SCG3: variants seen among roughly 807,000 people sequenced by gnomAD.
The protein encoded by SCG3 is secretogranin-3.
In SCG3, 38 loss-of-function variants were observed where a neutral mutation model predicts 56.2. The ratio of observed to expected loss-of-function variants is 0.68; its 90% CI spans 0.52 to 0.89. SCG3 has a LOEUF of 0.89. Among genes scored for constraint, SCG3 ranks in the 40% least tolerant of loss-of-function variants. SCG3 has a pLI of 0.00. For missense variants in SCG3, 524 were observed against 540.7 expected (o/e 0.97, Z 0.31); for synonymous variants, 176 against 184.2 (o/e 0.96, Z 0.36).
chr15:51,686,465 A>G (rs2055229151), intron 4 of SCG3, among the ~76,000 whole-genome samples: 2 of 152,184 alleles, frequency 1.3e-5, no homozygotes, highest in Non-Finnish European at 2.9e-5. Context: ...GGCAACCAAT[A>G]TTCCTCCTTT....
chr15:51,681,539 C>T lies in SCG3; in HGVS notation c.-217C>T, dbSNP rs561594601. The stretch of plus-strand genomic sequence containing the variant: ...AGCACCCACAGGGCGGACAGCGCTC[C>T]CCTCTACCTGGAGACTTGACTCCCG... On this transcript the variant is annotated 5_prime_UTR_variant, in exon 1 of 12. Coordinates refer to ENST00000220478, the MANE Select transcript of SCG3 (RefSeq NM_013243.4). 37 of 570,386 alleles carry T rather than the reference C, an allele frequency of 6.5e-5. No homozygotes were observed. The highest frequency in any genetic ancestry group is 1.1e-4 in the Non-Finnish European group (35 of 317,850). 35.3% of individuals were successfully genotyped at this position (570,386 alleles called of 1,614,324 possible).
At chr15:51,716,121 T>C (rs2055454047) in intron 11 of SCG3, among the ~76,000 whole-genome samples, 1 of 152,168 alleles carries the variant, frequency 6.6e-6, no homozygotes, top group Non-Finnish European at 1.5e-5. Flanking sequence ...CCTCCCAAAG[T>C]GTTGGGATTA....
intron 8 of SCG3, among the ~76,000 whole-genome samples, chr15:51,697,140 G>GTGTGTGTC (rs2055308946): frequency 1.3e-5 from 2 of 151,522 alleles, no homozygotes; most frequent in African/African-American, 4.9e-5. Flanking sequence ...TTCTGTGTGT[G>GTGTGTGTC]TGTGTGTGTG....
chr15:51,693,538 T>C (rs2055282256), intron 7 of SCG3: 1 of 152,252 alleles, frequency 6.6e-6, no homozygotes, highest in Admixed American at 6.5e-5. Context: ...TTGGTTAATC[T>C]GCAAGGAGGA....
chr15:51,685,556 A>G (rs2055223474), intron 4 of SCG3, among the ~76,000 whole-genome samples: 1 of 152,218 alleles, frequency 6.6e-6, no homozygotes, highest in Admixed American at 6.5e-5. Flanking sequence ...AGGTTCTTGG[A>G]GAAAATGATT....
At chr15:51,703,342 G>A (rs1025823364) in intron 10 of SCG3, among the ~76,000 whole-genome samples, 2 of 152,126 alleles carry the variant, frequency 1.3e-5, no homozygotes, top group Admixed American at 6.5e-5. Flanking sequence ...AACTAGCTAC[G>A]TATTTAATAC....
Position 51,713,409 on chromosome 15 carries a change from AGAAGGTAGGAC to A in SCG3, c.1285_1288+7del. The A allele has an allele frequency of 6.3e-7, 1 of 1,594,874 alleles. No homozygotes were observed. The highest frequency in any genetic ancestry group is 8.6e-7 in the Non-Finnish European group (1 of 1,168,634). ...AGAAACATGACAAAAAGGGAAATAAAGAAGGTAGGACCAAGTGTGGTTGTACATTGCAAACT... is the reference window on the plus strand; with the variant it reads ...AGAAACATGACAAAAAGGGAAATAAACAAGTGTGGTTGTACATTGCAAACT... On this transcript the variant is annotated splice_donor_variant and splice_donor_5th_base_variant and coding_sequence_variant and intron_variant, in exon 11 of 12. Coordinates refer to ENST00000220478, the MANE Select transcript of SCG3 (RefSeq NM_013243.4). LOFTEE classifies it high-confidence loss of function.
At chr15:51,708,154 A>G (rs1379323304) in intron 10 of SCG3, 2 of 150,270 alleles carry the variant, frequency 1.3e-5, no homozygotes, top group African/African-American at 4.9e-5. Flanking sequence ...GCCATGAGCT[A>G]TTTTTTTTTT....
Position 51,701,230 on chromosome 15 carries a change from C to T in SCG3, c.1193C>T (p.Thr398Ile), listed in dbSNP as rs1280277384. 3 of 1,599,390 alleles carry T rather than the reference C, an allele frequency of 1.9e-6. No homozygotes were observed. The highest frequency in any genetic ancestry group is 8.5e-7 in the Non-Finnish European group (1 of 1,174,680). The change falls in exon 10 of 12, where the codon ACA becomes ATA. Residue 398 changes from threonine to isoleucine, a missense_variant. Transcript: ENST00000220478. ...GATAACTCCAACCCAGGAGGAAAGA[C>T]AGATGAACCCAAAGGTATGGGATTG... ...KDDNSNPGGKTDEPKGKTEAY... is the reference protein window; with the variant it reads ...KDDNSNPGGKIDEPKGKTEAY...
chr15:51,716,711 G>A (rs2055458496), intron 11 of SCG3, among the ~76,000 whole-genome samples: 1 of 152,216 alleles, frequency 6.6e-6, no homozygotes, highest in Non-Finnish European at 1.5e-5. Flanking sequence ...CCACCACCAA[G>A]CAAGCAATCA....
chr15:51,683,027 A>G, intron 2 of SCG3, 52 bp from the exon 3 acceptor site: 1 of 1,411,528 alleles, frequency 7.1e-7, no homozygotes, highest in Admixed American at 2.1e-5. Flanking sequence ...TGTACTTGGT[A>G]AGTAGTGGAG....
chr15:51,709,580 A>C (rs985591699), intron 10 of SCG3, among the ~76,000 whole-genome samples: 6 of 144,868 alleles, frequency 4.1e-5, no homozygotes, highest in African/African-American at 1.5e-4. Flanking sequence ...GCTATCATTT[A>C]GGTTTAGAAT....
chr15:51,710,844 C>T (rs2055416288), intron 10 of SCG3, among the ~76,000 whole-genome samples: 2 of 151,518 alleles, frequency 1.3e-5, no homozygotes, highest in Admixed American at 6.6e-5. Context: ...GATCTGCCCA[C>T]CCTGGCCTCC....
chr15:51,708,391 T>C (rs1461778687), intron 10 of SCG3: 5 of 152,224 alleles, frequency 3.3e-5, no homozygotes, highest in African/African-American at 4.8e-5. Context: ...TTAAAACTGG[T>C]GGCAGCGGTT....
chr15:51,718,637 G>A (rs1392152745), intron 11 of SCG3, among the ~76,000 whole-genome samples: 1 of 112,974 alleles, frequency 8.9e-6, no homozygotes, highest in Non-Finnish European at 1.9e-5. Flanking sequence ...AAGGGAAAAT[G>A]GGGGTTTTTA....
At chr15:51,690,154 A>G (rs188465010) in intron 6 of SCG3, among the ~76,000 whole-genome samples, 78 of 152,090 alleles carry the variant, frequency 5.1e-4, no homozygotes, top group Non-Finnish European at 9.4e-4. Context: ...TAGCTGCCTA[A>G]TGCTGCCTCT....
chr15:51,695,831 A>T, intron 7 of SCG3, 44 bp from the exon 8 acceptor site: 1 of 1,015,196 alleles, frequency 9.9e-7, no homozygotes, highest in Non-Finnish European at 1.5e-6. Flanking sequence ...TTGAAAGAGG[A>T]AGCTATCCCC....
chr15:51,709,701 A>ATTTTTTTTTTT (rs869162420), intron 10 of SCG3, among the ~76,000 whole-genome samples: 2 of 22,966 alleles, frequency 8.7e-5, no homozygotes, highest in Non-Finnish European at 1.3e-4. Context: ...ATATATATAT[A>ATTTTTTTTTTT]TTTTTTTTTT....
intron 7 of SCG3, among the ~76,000 whole-genome samples, chr15:51,692,731 G>T (rs928499353): frequency 6.6e-6 from 1 of 151,920 alleles, no homozygotes; most frequent in Non-Finnish European, 1.5e-5. Flanking sequence ...CTTGATTGAG[G>T]TATAATTGGC....
Sources: gnomAD v4.1 joint callset for allele counts (sites outside exome capture counted in the v4.1 genomes callset) on GRCh38, gnomAD v4.1.1 for gene constraint, MANE v1.5 for transcripts, NCBI Gene and HGNC (gene_info 2026-07-23, HGNC 2026-07-21) for gene names.